The following CENPP variants were observed in gnomAD, a reference collection of about 807,000 sequenced individuals.
CENPP encodes centromere protein P.
Under a neutral mutation model 35.6 loss-of-function variants are expected in CENPP, and 24 were observed. The ratio of observed to expected loss-of-function variants is 0.67; its 90% CI spans 0.49 to 0.95. The LOEUF is 0.95. Ranked by LOEUF, CENPP falls within the 40% of genes least tolerant of loss-of-function variation. The pLI is 0.00. For missense variants in CENPP, 332 were observed against 345.3 expected, an observed-to-expected ratio of 0.96 and a Z score of 0.31; for synonymous variants, 120 against 125.5, an observed-to-expected ratio of 0.96 and a Z score of 0.29.
intron 5 of CENPP, among the ~76,000 whole-genome samples, chr9:92,596,343 C>T (rs1453674911): frequency 6.8e-6 from 1 of 147,244 alleles, no homozygotes; most frequent in African/African-American, 2.5e-5. Flanking sequence ...GTTGCCCAGA[C>T]CGGTTAGTTT....
intron 5 of CENPP, among the ~76,000 whole-genome samples, chr9:92,488,343 C>G (rs1403127749): frequency 6.6e-6 from 1 of 152,144 alleles, no homozygotes; most frequent in African/African-American, 2.4e-5. Context: ...ATCCTTCACT[C>G]TAGTGAAATA....
At chr9:92,411,436 A>G (rs1054662352) in intron 5 of CENPP, among the ~76,000 whole-genome samples, 5 of 152,068 alleles carry the variant, frequency 3.3e-5, no homozygotes, top group African/African-American at 1.2e-4. Flanking sequence ...CTGGGACTAC[A>G]GGCATGCACC....
chr9:92,511,943 CA>C, intron 5 of CENPP: 1 of 1,206,454 alleles, frequency 8.3e-7, no homozygotes, highest in Non-Finnish European at 1.2e-6. Flanking sequence ...CTCCCTTCCC[CA>C]TCTCCAACCA....
At chr9:92,455,380 A>T (rs1844842888) in intron 5 of CENPP, among the ~76,000 whole-genome samples, 1 of 151,840 alleles carries the variant, frequency 6.6e-6, no homozygotes. Flanking sequence ...ACAGAGCAAG[A>T]CTCTGTCTCT....
intron 5 of CENPP, among the ~76,000 whole-genome samples, chr9:92,608,520 C>CTCA (rs1851144243): frequency 6.6e-6 from 1 of 152,180 alleles, no homozygotes; most frequent in Non-Finnish European, 1.5e-5. Context: ...GCCTAATGAT[C>CTCA]TCAAGCCCAC....
At chr9:92,434,087 T>C (rs1019947734) in intron 5 of CENPP, among the ~76,000 whole-genome samples, 5 of 152,068 alleles carry the variant, frequency 3.3e-5, no homozygotes, top group African/African-American at 1.2e-4. Context: ...TTTATTTCTA[T>C]ATACTAGAAT....
At chr9:92,351,984 A>G (rs1026673465) in intron 4 of CENPP, among the ~76,000 whole-genome samples, 12 of 147,302 alleles carry the variant, frequency 8.1e-5, no homozygotes, top group African/African-American at 3.0e-4. Context: ...AGGTTCATCC[A>G]TGTGGCATAA....
intron 5 of CENPP, among the ~76,000 whole-genome samples, chr9:92,508,145 C>A (rs1847115896): frequency 6.6e-6 from 1 of 152,194 alleles, no homozygotes; most frequent in South Asian, 2.1e-4. Context: ...TCCTGGCAGC[C>A]AGCCTGACCA....
At position 92,391,413 on chromosome 9, in the gene CENPP, T is replaced by A. The variant is rs550944266; in HGVS notation, c.564+11554T>A. Among the ~76,000 whole-genome samples, 23 of 150,786 alleles carry A rather than the reference T, an allele frequency of 1.5e-4. 1 individual carries two copies. In the South Asian group the frequency reaches 1.9e-3, roughly 12 times the overall value. On this transcript the variant is annotated intron_variant, in intron 5 of 7. Coordinates refer to ENST00000375587, the MANE Select transcript of CENPP (RefSeq NM_001012267.3). ...CAGAGTAAGACTCCATCTCAAAAAATAAATAAATTAAATTAAATTAAATTA... is the reference window on the plus strand; with the variant it reads ...CAGAGTAAGACTCCATCTCAAAAAAAAAATAAATTAAATTAAATTAAATTA...
intron 2 of CENPP, among the ~76,000 whole-genome samples, 190 bp from the exon 3 acceptor site, chr9:92,337,351 T>G (rs901624376): frequency 6.6e-6 from 1 of 152,138 alleles, no homozygotes; most frequent in Non-Finnish European, 1.5e-5. Flanking sequence ...AAACACAAGT[T>G]ATCATTAATT....
chr9:92,557,756 C>T (rs973536897), intron 5 of CENPP, among the ~76,000 whole-genome samples: 4 of 152,164 alleles, frequency 2.6e-5, no homozygotes, highest in Non-Finnish European at 5.9e-5. Flanking sequence ...GATTCTCCTG[C>T]CTCAGCCTCT....
intron 5 of CENPP, among the ~76,000 whole-genome samples, chr9:92,483,851 C>A (rs1157966550): frequency 1.3e-5 from 2 of 152,204 alleles, no homozygotes; most frequent in Non-Finnish European, 2.9e-5. Flanking sequence ...CAGTTCCAGG[C>A]AGCTCGGTAG....
At chr9:92,569,983 GA>G (rs1236570839) in intron 5 of CENPP, among the ~76,000 whole-genome samples, 2 of 152,210 alleles carry the variant, frequency 1.3e-5, no homozygotes, top group Non-Finnish European at 2.9e-5. Flanking sequence ...ATTTTGGGCT[GA>G]GATGATGGGG....
chr9:92,333,165 T>G (rs2130780555), intron 2 of CENPP, among the ~76,000 whole-genome samples: 1 of 152,302 alleles, frequency 6.6e-6, no homozygotes, highest in East Asian at 1.9e-4. Context: ...ACTGCAGCTG[T>G]GCAACTGGAT....
chr9:92,444,333 C>T (rs530756772), intron 5 of CENPP, among the ~76,000 whole-genome samples: 2 of 152,006 alleles, frequency 1.3e-5, no homozygotes, highest in African/African-American at 4.8e-5. Context: ...TTAGATCCTT[C>T]ATGCATTTTT....
intron 5 of CENPP, chr9:92,460,391 A>C (rs1845061665): frequency 1.2e-6 from 1 of 829,066 alleles, no homozygotes. Flanking sequence ...GCAACTGGCT[A>C]AACAGACAGT....
intron 5 of CENPP, among the ~76,000 whole-genome samples, chr9:92,394,745 C>A (rs1211989518): frequency 6.6e-6 from 1 of 151,596 alleles, no homozygotes; most frequent in Admixed American, 6.6e-5. Flanking sequence ...TCCGGGATTA[C>A]AGGCATGTGC....
At chr9:92,533,328 A>AAAAAAAAAAAATAT (rs1554683138) in intron 5 of CENPP, among the ~76,000 whole-genome samples, 1 of 38,332 alleles carries the variant, frequency 2.6e-5, no homozygotes, top group Non-Finnish European at 4.3e-5. Flanking sequence ...AAAAAAAAAA[A>AAAAAAAAAAAATAT]ATATATATAT....
intron 5 of CENPP, among the ~76,000 whole-genome samples, chr9:92,401,699 G>T (rs769995969): frequency 6.6e-6 from 1 of 152,090 alleles, no homozygotes; most frequent in African/African-American, 2.4e-5. Flanking sequence ...ATTAAGCCCT[G>T]GCTCTTGGAT....
Sources: allele counts gnomAD v4.1 joint callset (sites outside exome capture counted in the v4.1 genomes callset), GRCh38; gene constraint gnomAD v4.1.1; transcripts MANE v1.5; gene names NCBI Gene and HGNC (gene_info 2026-07-23, HGNC 2026-07-21).